The following PARP9 variants were observed in gnomAD, a reference collection of about 807,000 sequenced individuals.
The protein encoded by PARP9 is poly(ADP-ribose) polymerase family member 9, also known as protein mono-ADP-ribosyltransferase PARP9.
Under a neutral mutation model 68.8 loss-of-function variants are expected in PARP9, and 48 were observed. The ratio of observed to expected loss-of-function variants is 0.70; its 90% confidence interval spans 0.55 to 0.89. The LOEUF (loss-of-function observed/expected upper bound fraction) is 0.89. Ranked by LOEUF, PARP9 falls within the 40% of genes least tolerant of loss-of-function variation. PARP9 has a pLI of 0.00. For synonymous variants in PARP9, 309 were observed against 333.8 expected (o/e 0.93, Z 0.81); for missense variants, 806 against 969.3 (o/e 0.83, Z 2.24).
At position 122,556,073 on chromosome 3, in the gene PARP9, T is replaced by G. The variant is rs886682574; in HGVS notation, c.98A>C (p.His33Pro). Residue 33 changes from histidine to proline, a missense_variant, in exon 4 of 11, where the codon CAC becomes CCC. Physicochemically the swap from His to Pro is moderately conservative, Grantham distance 77. This residue lies in a region of PARP9 where 126 missense variants were observed against 110.5 expected (regional missense o/e 1.14). Transcript: ENST00000682323. ...ATTTTTTAAAATTTTGAAGTCATTG[T>G]GGTTAATGGGAATTTGCCAACTATA... is the stretch of plus-strand genomic sequence containing the variant. ...ENYSWQIPIN[H>P]NDFKILKNNE... is the part of the protein sequence containing the mutation. The G allele has an allele frequency of 6.2e-7, 1 of 1,607,000 alleles. No homozygotes were observed.
intron 6 of PARP9, 23 bp from the exon 7 acceptor site, chr3:122,545,512 G>A (rs1559839270): frequency 6.2e-7 from 1 of 1,613,560 alleles, no homozygotes; most frequent in Non-Finnish European, 8.5e-7. Flanking sequence ...AAACAGAGCA[G>A]AGAGTCATAA....
At chr3:122,540,930 T>G (rs1007333141) in intron 7 of PARP9, 78 bp from the exon 8 acceptor site, 56 of 1,462,330 alleles carry the variant, frequency 3.8e-5, no homozygotes, top group Non-Finnish European at 4.8e-5. Context: ...TCGCTCTGTC[T>G]CACAAGCTGG....
At chr3:122,535,893 A>C in intron 10 of PARP9, 1 of 1,350,818 alleles carries the variant, frequency 7.4e-7, no homozygotes, top group Non-Finnish European at 9.5e-7. Context: ...TAGGACACAG[A>C]AACACATAAA....
At chr3:122,545,587 A>T (rs2078640888) in intron 6 of PARP9, 98 bp from the exon 7 acceptor site, 7 of 1,125,200 alleles carry the variant, frequency 6.2e-6, no homozygotes, top group Non-Finnish European at 8.1e-6. Flanking sequence ...GACTTCATCC[A>T]CTCTGTCAGT....
rs771723336 is a variant in PARP9 at position 122,558,499 on chromosome 3, A to G, written c.16-32T>C. 27 of 1,611,910 alleles carry G rather than the reference A, an allele frequency of 1.7e-5. No homozygotes were observed. The South Asian group carries it at 2.6e-4, about 16-fold the overall frequency. ...AAAATGAGAATGGCTTTCTTAAAAA[A>G]TGGAAGTGGAATGACTACAGCTTAC... On this transcript the variant is annotated intron_variant, in intron 2 of 10. Coordinates refer to ENST00000682323, the MANE Select transcript of PARP9 (RefSeq NM_001146105.2).
rs1453960512 is a variant in PARP9 at position 122,555,552 on chromosome 3, C to T, written c.619G>A (p.Gly207Arg). 6.2e-7 allele frequency: 1 copy of T among 1,613,998 alleles called. No homozygotes were observed. The highest frequency in any genetic ancestry group is 8.5e-7 in the Non-Finnish European group (1 of 1,180,020). Residue 207 changes from glycine (G) to arginine (R), a missense_variant, in exon 4 of 11, where the codon GGG becomes AGG. Transcript: ENST00000682323. ...KTVAIPALSS[G>R]IFQFPLNLCT... ...AAATTCAGAGGGAACTGAAAAATCC[C>T]AGAGCTCAAGGCTGGAATTGCTACT...
chr3:122,528,456 A>G lies in PARP9; in HGVS notation c.2368T>C (p.Tyr790His). Residue 790 changes from tyrosine to histidine, a missense_variant, in exon 11 of 11, where the codon TAT becomes CAT. Tyr to His is a moderately conservative substitution (Grantham distance 83, BLOSUM62 2). Coordinates refer to ENST00000682323, the MANE Select transcript of PARP9 (RefSeq NM_001146105.2). ...GATGAGTAATCTTGTGACTGTACAT[A>G]TTCCTGGGTGCATGTCCACAAATAC... ...PQYLWTCTQE[Y>H]VQSQDYSSGP... The G allele has an allele frequency of 6.2e-7, 1 of 1,614,202 alleles. No individual in the cohort carries two copies. The highest frequency in any genetic ancestry group is 2.2e-5 in the East Asian group (1 of 44,886).
At chr3:122,564,713 G>A (rs994163874), upstream of PARP9, 19 of 1,409,574 alleles carry the variant, frequency 1.3e-5, no homozygotes, top group Admixed American at 2.7e-5. Context: ...GAGGGCGGGA[G>A]AAAGTATGTC....
intron 8 of PARP9, 54 bp from the exon 9 acceptor site, chr3:122,537,127 G>T: frequency 6.0e-6 from 9 of 1,495,426 alleles, no homozygotes; most frequent in African/African-American, 1.4e-5. Context: ...GAGGAGAAAA[G>T]AAATTTAATG....
intron 8 of PARP9, among the ~76,000 whole-genome samples, chr3:122,538,271 A>C (rs2077805587): frequency 6.6e-6 from 1 of 152,202 alleles, no homozygotes; most frequent in African/African-American, 2.4e-5. Context: ...CTCCTCCTAC[A>C]TGTCAGGCAC....
intron 6 of PARP9, among the ~76,000 whole-genome samples, chr3:122,546,177 A>G (rs1331516551): frequency 6.6e-6 from 1 of 152,234 alleles, no homozygotes; most frequent in Non-Finnish European, 1.5e-5. Flanking sequence ...CTGACTTACA[A>G]TGGTTTGATT....
At chr3:122,546,463 G>A (rs1183955346) in intron 6 of PARP9, among the ~76,000 whole-genome samples, 6 of 152,332 alleles carry the variant, frequency 3.9e-5, no homozygotes, top group Middle Eastern at 3.4e-3. Context: ...TAAGTGTTCT[G>A]AACATGTTTA....
intron 8 of PARP9, among the ~76,000 whole-genome samples, chr3:122,539,574 T>TCTTTCTTTCTTTCTTTCCTTC: frequency 6.9e-6 from 1 of 144,752 alleles, no homozygotes; most frequent in East Asian, 2.0e-4. Context: ...TTTCTTTTTT[T>TCTTTCTTTCTTTCTTTCCTTC]TTTGAGACAG....
intron 7 of PARP9, among the ~76,000 whole-genome samples, chr3:122,544,938 T>C (rs932822908): frequency 1.3e-5 from 2 of 152,130 alleles, no homozygotes; most frequent in African/African-American, 4.8e-5. Context: ...ATCTGTAGAG[T>C]TGGGACAAAT....
intron 8 of PARP9, 132 bp downstream of exon 8, chr3:122,540,339 TA>T: frequency 1.7e-6 from 2 of 1,189,856 alleles, no homozygotes; most frequent in Non-Finnish European, 2.3e-6. Context: ...GCTTATGATC[TA>T]ACAAAGAACC....
intron 3 of PARP9, among the ~76,000 whole-genome samples, chr3:122,557,019 A>C (rs1053617933): frequency 2.6e-5 from 4 of 152,138 alleles, no homozygotes; most frequent in African/African-American, 9.7e-5. Flanking sequence ...TTTTCTGTAG[A>C]GATGGGGTTT....
intron 10 of PARP9, chr3:122,531,642 T>C (rs1405515686): frequency 2.0e-5 from 3 of 152,142 alleles, no homozygotes; most frequent in Admixed American, 6.5e-5. Context: ...CAAGTACATA[T>C]ATATATATGT....
chr3:122,547,015 C>T (rs199545314), intron 6 of PARP9, among the ~76,000 whole-genome samples: 2,351 of 76,454 alleles, frequency 0.031, 26 homozygotes, highest in South Asian at 0.052. Flanking sequence ...TATATATATA[C>T]ACACACACAC....
At chr3:122,546,320 C>T (rs1407492375) in intron 6 of PARP9, among the ~76,000 whole-genome samples, 2 of 152,310 alleles carry the variant, frequency 1.3e-5, no homozygotes, top group Non-Finnish European at 2.9e-5. Flanking sequence ...TGCTGGGCGG[C>T]GGCAGCAAGC....
Sources: allele counts gnomAD v4.1 joint callset (sites outside exome capture counted in the v4.1 genomes callset), GRCh38; gene constraint gnomAD v4.1.1; regional missense constraint gnomAD v4.1.1; transcripts MANE v1.5; gene names NCBI Gene and HGNC (gene_info 2026-07-23, HGNC 2026-07-21).